Variants in GABRG3 observed in about 807,000 individuals in gnomAD.
The protein encoded by GABRG3 is gamma-aminobutyric acid type A receptor subunit gamma3, also known as gamma-aminobutyric acid receptor subunit gamma-3.
A neutral mutation model predicts 48.8 loss-of-function variants in GABRG3; 25 were observed. The ratio of observed to expected loss-of-function variants is 0.51; its 90% CI spans 0.37 to 0.72. The LOEUF is 0.72. Among genes scored for constraint, GABRG3 ranks in the 30% least tolerant of loss-of-function variants. The pLI is 0.00. For synonymous variants in GABRG3, 227 were observed against 217.6 expected (o/e 1.04, Z -0.38); for missense variants, 394 against 577.9 (o/e 0.68, Z 3.26).
chr15:27,501,239 C>T (rs1890629907), intron 6 of GABRG3, among the ~76,000 whole-genome samples: 1 of 152,156 alleles, frequency 6.6e-6, no homozygotes, highest in South Asian at 2.1e-4. Flanking sequence ...GCGTGAGCCA[C>T]CGTGCCCGGC....
At chr15:27,311,428 G>A (rs1039391946) in intron 3 of GABRG3, among the ~76,000 whole-genome samples, 5 of 152,144 alleles carry the variant, frequency 3.3e-5, no homozygotes, top group African/African-American at 7.2e-5. Flanking sequence ...ACGGGCTTCT[G>A]TCTAGCCTGT....
intron 2 of GABRG3, among the ~76,000 whole-genome samples, chr15:27,004,079 G>T (rs1895525987): frequency 6.9e-6 from 1 of 144,704 alleles, no homozygotes. Flanking sequence ...GCGGGGGGCT[G>T]ACCCCCCTAC....
intron 3 of GABRG3, among the ~76,000 whole-genome samples, chr15:27,128,020 A>G (rs1375897916): frequency 1.3e-5 from 2 of 152,192 alleles, no homozygotes; most frequent in Non-Finnish European, 2.9e-5. Flanking sequence ...GAAGGCGATA[A>G]AATGGACACA....
At chr15:27,305,151 T>C (rs1892352943) in intron 3 of GABRG3, among the ~76,000 whole-genome samples, 1 of 151,870 alleles carries the variant, frequency 6.6e-6, no homozygotes, top group Non-Finnish European at 1.5e-5. Context: ...CCAATGTCTC[T>C]GCATCATTAG....
intron 3 of GABRG3, among the ~76,000 whole-genome samples, chr15:27,151,060 A>C (rs1485533258): frequency 2.0e-5 from 3 of 152,196 alleles, no homozygotes; most frequent in Non-Finnish European, 4.4e-5. Context: ...TTATATACAG[A>C]AGCAAAAAAT....
At chr15:27,373,058 G>A (rs954718047) in intron 5 of GABRG3, among the ~76,000 whole-genome samples, 2 of 150,488 alleles carry the variant, frequency 1.3e-5, no homozygotes, top group African/African-American at 2.5e-5. Flanking sequence ...GAGACAGCAC[G>A]CAAATGCCAC....
chr15:27,523,800 A>G (rs3101643), intron 7 of GABRG3, among the ~76,000 whole-genome samples: 96,086 of 151,750 alleles, frequency 0.63, 31,827 homozygotes, highest in African/African-American at 0.84. Context: ...AGAACAACAA[A>G]AATTTACCAA....
chr15:27,070,221 G>A (rs1198478417), intron 3 of GABRG3, among the ~76,000 whole-genome samples: 1 of 152,204 alleles, frequency 6.6e-6, no homozygotes, highest in Non-Finnish European at 1.5e-5. Flanking sequence ...ACCTTTCTCT[G>A]TATCTTCAGT....
chr15:27,449,007 G>A (rs150106225), intron 5 of GABRG3, among the ~76,000 whole-genome samples: 5 of 152,264 alleles, frequency 3.3e-5, no homozygotes, highest in Non-Finnish European at 5.9e-5. Flanking sequence ...CAGTGTAATA[G>A]TGTATTGGAA....
At chr15:27,104,611 A>G (rs1437161947) in intron 3 of GABRG3, among the ~76,000 whole-genome samples, 1 of 152,224 alleles carries the variant, frequency 6.6e-6, no homozygotes, top group Non-Finnish European at 1.5e-5. Flanking sequence ...GCCTGGCCTC[A>G]GTGGGTGTTT....
At chr15:27,333,713 C>T (rs1372890282) in intron 5 of GABRG3, among the ~76,000 whole-genome samples, 2 of 152,204 alleles carry the variant, frequency 1.3e-5, no homozygotes, top group African/African-American at 2.4e-5. Flanking sequence ...TCACTCAGAG[C>T]ATTCCAAGAC....
chr15:27,306,895 ACATGTTTATATATAAACATACAAT>A (rs1331744537), intron 3 of GABRG3, among the ~76,000 whole-genome samples: 29 of 108,744 alleles, frequency 2.7e-4, no homozygotes, highest in African/African-American at 1.0e-3. Flanking sequence ...TACAATATAA[ACATGTTTATATATAAACATACAAT>A]ATAAACATGT....
At chr15:27,411,113 TG>T (rs1566828903) in intron 5 of GABRG3, among the ~76,000 whole-genome samples, 1 of 152,070 alleles carries the variant, frequency 6.6e-6, no homozygotes, top group Non-Finnish European at 1.5e-5. Context: ...TCATCATCCG[TG>T]GTATTTATTT....
chr15:27,083,614 C>T (rs1897027013), intron 3 of GABRG3, among the ~76,000 whole-genome samples: 1 of 152,158 alleles, frequency 6.6e-6, no homozygotes, highest in Non-Finnish European at 1.5e-5. Flanking sequence ...GCATGAACCA[C>T]CGTGCCCAGC....
At chr15:27,273,453 C>T (rs540148716) in intron 3 of GABRG3, among the ~76,000 whole-genome samples, 1 of 152,220 alleles carries the variant, frequency 6.6e-6, no homozygotes, top group South Asian at 2.1e-4. Flanking sequence ...CCATCACTAC[C>T]AAGACATTAA....
intron 2 of GABRG3, among the ~76,000 whole-genome samples, chr15:27,014,601 G>T (rs1272688012): frequency 2.6e-5 from 4 of 151,992 alleles, no homozygotes; most frequent in Admixed American, 6.6e-5. Context: ...GAATTTTCCT[G>T]TTTTGCTTTC....
rs963590489 is a variant in GABRG3 at position 27,409,384 on chromosome 15, T to TA, written c.575-71255dup. Among the ~76,000 whole-genome samples, 415 of 148,132 alleles carry TA rather than the reference T, an allele frequency of 2.8e-3. 1 individual carries two copies. The highest frequency in any genetic ancestry group is 7.6e-3 in the African/African-American group (310 of 40,612). On this transcript the variant is annotated intron_variant, in intron 5 of 9. Coordinates refer to ENST00000615808, the MANE Select transcript of GABRG3 (RefSeq NM_033223.5). ...CCATTGACTTGGTTTTGCTCCTTTGTAAAAAAAAAAATCGCTTAGACATAT... is the reference window on the plus strand; with the variant it reads ...CCATTGACTTGGTTTTGCTCCTTTGTAAAAAAAAAAAATCGCTTAGACATAT...
chr15:26,980,681 CAAAAAAAAAAAAA>C (rs67711680), intron 2 of GABRG3, among the ~76,000 whole-genome samples: 117 of 123,958 alleles, frequency 9.4e-4, no homozygotes, highest in Non-Finnish European at 8.8e-4. Flanking sequence ...TCCTCTGTCT[CAAAAAAAAAAAAA>C]AAAAAAAAAA....
intron 3 of GABRG3, among the ~76,000 whole-genome samples, chr15:27,302,025 T>C (rs1892227078): frequency 1.3e-5 from 2 of 151,952 alleles, no homozygotes; most frequent in Non-Finnish European, 1.5e-5. Context: ...AATCTGACCA[T>C]CCTTAAAAAT....
Sources: allele counts gnomAD v4.1 joint callset (sites outside exome capture counted in the v4.1 genomes callset), GRCh38; gene constraint gnomAD v4.1.1; transcripts MANE v1.5; gene names NCBI Gene and HGNC (gene_info 2026-07-23, HGNC 2026-07-21).